DCTN1: variants seen among roughly 807,000 people sequenced by gnomAD.
The protein encoded by DCTN1 is dynactin subunit 1, also known as 150 kDa dynein-associated polypeptide.
In DCTN1, 61 loss-of-function variants were observed where a neutral mutation model predicts 161.2. The ratio of observed to expected loss-of-function variants is 0.38; its 90% CI spans 0.31 to 0.47. The LOEUF (loss-of-function observed/expected upper bound fraction) is 0.47, where lower values mean the gene tolerates loss of function less well. Among genes scored for constraint, DCTN1 ranks in the 20% least tolerant of loss-of-function variants. DCTN1 has a pLI of 0.99. For missense variants in DCTN1, 1,404 were observed against 1,623.7 expected (o/e 0.86, Z 2.33); for synonymous variants, 653 against 632.4 (o/e 1.03, Z -0.49).
At chr2:74,381,687 C>A (rs1267616170), upstream of DCTN1, among the ~76,000 whole-genome samples, 1 of 152,184 alleles carries the variant, frequency 6.6e-6, no homozygotes, top group East Asian at 1.9e-4. Context: ...ACTCAGGCTA[C>A]TTTCCTGGCT....
chr2:74,361,589 G>C lies in DCTN1; in HGVS notation c.3747C>G (p.Thr1249=), dbSNP rs759710617. The part of the protein sequence containing the change: ...QDDTVYMGKV[T]FSCAAGFGQR... ...GTCCAAAACCAGCCGCACATGAGAA[G>C]GTCACTTTGCCCATGTAGACTGTGT... The change falls in exon 32 of 32, where the codon ACC becomes ACG. Residue 1249 remains threonine (T), a synonymous_variant. Transcript: ENST00000628224. 5.9e-5 allele frequency: 96 copies of C among 1,613,978 alleles called. No individual in the cohort carries two copies. The highest frequency in any genetic ancestry group is 8.0e-5 in the Non-Finnish European group (94 of 1,180,012).
rs375157202 is a variant in DCTN1, at chr2:74,365,139, C to T, written c.3132G>A (p.Thr1044=). The stretch of plus-strand genomic sequence containing the variant: ...GAGGAGGGCCCCGGAGTCCCTCAAT[C>T]GTGCGTTTGGACTGGCTGTTCAGAC... ...KQRLNSQSKR[T]IEGLRGPPPS... Residue 1044 remains threonine, a synonymous_variant, in exon 26 of 32, where the codon ACG becomes ACA. Coordinates refer to ENST00000628224, the MANE Select transcript of DCTN1 (RefSeq NM_004082.5). The T allele has an allele frequency of 2.5e-6, 4 of 1,614,190 alleles. No homozygotes were observed. Among genetic ancestry groups the T allele is most frequent in the East Asian group, 2.2e-5 (1 of 44,890 alleles).
chr2:74,391,858 G>GGGGCC (rs1467852843), exon 1 of DCTN1: 2 of 453,256 alleles, frequency 4.4e-6, no homozygotes, highest in South Asian at 3.1e-5. Context: ...AAGACCCTGC[G>GGGGCC]GGGCCGGCCC....
In DCTN1 at chr2:74,370,871, C is replaced by T. The variant is rs1176970852; in HGVS notation, c.844-46G>A. On this transcript the variant is annotated intron_variant, in intron 9 of 31. Coordinates refer to ENST00000628224, the MANE Select transcript of DCTN1 (RefSeq NM_004082.5). This position sits in a 1 kb window ranked among gnomAD's most constrained non-coding sequence, Gnocchi z 4.4. ...GGAGGGGGTACCAGCACAGAGATGC[C>T]CCAGGCCTTTCTCACAGTATGTTCC... is the stretch of plus-strand genomic sequence containing the variant. The T allele has an allele frequency of 3.1e-6, 5 of 1,613,704 alleles. No individual in the cohort carries two copies. The highest frequency in any genetic ancestry group is 4.2e-6 in the Non-Finnish European group (5 of 1,179,786).
Position 74,370,139 on chromosome 2 carries a change from G to A in DCTN1, c.1287+47C>T, listed in dbSNP as rs750518578. 1 of 1,613,922 alleles carries A rather than the reference G, an allele frequency of 6.2e-7. No individual in the cohort carries two copies. Among genetic ancestry groups the A allele is most frequent in the Non-Finnish European group, 8.5e-7 (1 of 1,180,024 alleles). On this transcript the variant is annotated intron_variant, in intron 12 of 31. Transcript: ENST00000628224. This position sits in a 1 kb window ranked among gnomAD's most constrained non-coding sequence, Gnocchi z 4.4. ...TAGAAAGAGGAGGCATCAACTGATA[G>A]GAGAGTCAGGTGGGGGATTCTGGGT... is the stretch of plus-strand genomic sequence containing the variant.
Position 74,370,424 on chromosome 2 carries a change from G to A in DCTN1, c.1127+42C>T. ...CGATGGGTGCTCTAACACATTTGGAGACACAAGAGTAAGCATCAGAGGCAA... is the reference window on the plus strand; with the variant it reads ...CGATGGGTGCTCTAACACATTTGGAAACACAAGAGTAAGCATCAGAGGCAA... On this transcript the variant is annotated intron_variant, in intron 11 of 31. Coordinates refer to ENST00000628224, the MANE Select transcript of DCTN1 (RefSeq NM_004082.5). This position sits in a 1 kb window ranked among gnomAD's most constrained non-coding sequence, Gnocchi z 4.4. 1 of 1,614,094 alleles carries A rather than the reference G, an allele frequency of 6.2e-7. No individual in the cohort carries two copies. Among genetic ancestry groups the A allele is most frequent in the South Asian group, 1.1e-5 (1 of 91,044 alleles).
chr2:74,391,844 G>C, exon 1 of DCTN1: 1 of 453,776 alleles, frequency 2.2e-6, no homozygotes, highest in Non-Finnish European at 4.4e-6. Context: ...GACGACCGAC[G>C]CCCAAGACCC....
intron 15 of DCTN1, 99 bp from the exon 16 acceptor site, chr2:74,368,979 C>T (rs748082443): frequency 6.3e-7 from 1 of 1,576,328 alleles, no homozygotes; most frequent in Non-Finnish European, 8.7e-7. Flanking sequence ...TAGGGCAAGC[C>T]CAGGCCAGAG....
chr2:74,362,029 C>T (rs1176476939), intron 31 of DCTN1, 23 bp downstream of exon 31: 11 of 1,611,438 alleles, frequency 6.8e-6, no homozygotes, highest in Non-Finnish European at 9.3e-6. Flanking sequence ...CTGTCCCATC[C>T]TCCACCCCAT....
At chr2:74,388,711 G>A (rs1675854877) in intron 1 of DCTN1, among the ~76,000 whole-genome samples, 1 of 152,208 alleles carries the variant, frequency 6.6e-6, no homozygotes, top group African/African-American at 2.4e-5. Context: ...CTCCAGGACA[G>A]AGGATTGTAT....
intron 1 of DCTN1, among the ~76,000 whole-genome samples, chr2:74,379,689 C>T (rs890363951): frequency 1.8e-4 from 28 of 152,292 alleles, no homozygotes; most frequent in African/African-American, 6.5e-4. Flanking sequence ...AAAGGCTTCA[C>T]TGTAAGACCT....
In DCTN1 at chr2:74,368,587, T is replaced by C. The variant is rs981500240; in HGVS notation, c.1854+141A>G. On this transcript the variant is annotated intron_variant, in intron 16 of 31. Transcript: ENST00000628224. ...ACACACCATTTGTAATATATATTAA[T>C]CGGTGACTTTGCTGTGTTCCTCCAC... The C allele has an allele frequency of 4.7e-6, 5 of 1,059,490 alleles. No homozygotes were observed. In the Admixed American group the frequency reaches 1.0e-4, roughly 21 times the overall value. 65.6% of individuals were successfully genotyped at this position (1,059,490 alleles called of 1,614,324 possible). A position where few individuals can be genotyped will look rare whatever the true frequency, so the allele number is the denominator to read the frequency against.
intron 8 of DCTN1, 111 bp downstream of exon 8, chr2:74,371,426 T>C: frequency 7.7e-7 from 1 of 1,305,798 alleles, no homozygotes; most frequent in Non-Finnish European, 1.1e-6. Context: ...CCTCACCCTT[T>C]CTGATCCAAG....
chr2:74,390,238 G>A (rs972829447), intron 1 of DCTN1, among the ~76,000 whole-genome samples: 11 of 152,142 alleles, frequency 7.2e-5, no homozygotes, highest in Admixed American at 6.5e-4. Context: ...ATCATAGTAG[G>A]CACAGCTGTC....
intron 5 of DCTN1, among the ~76,000 whole-genome samples, 165 bp downstream of exon 5, chr2:74,376,577 C>G (rs1298274743): frequency 1.3e-5 from 2 of 152,184 alleles, no homozygotes; most frequent in Non-Finnish European, 2.9e-5. Context: ...GCCTGATGTT[C>G]TTGCACCCTT....
At chr2:74,367,001 C>T in intron 20 of DCTN1, 44 bp downstream of exon 20, 4 of 1,614,148 alleles carry the variant, frequency 2.5e-6, no homozygotes, top group Non-Finnish European at 2.5e-6. Flanking sequence ...GAAGTGAGGA[C>T]TAAGAAAGAA....
In DCTN1 at chr2:74,367,342, G is replaced by A; in HGVS notation, c.2253+10C>T. 1 of 1,614,118 alleles carries A rather than the reference G, an allele frequency of 6.2e-7. No individual in the cohort carries two copies. The highest frequency in any genetic ancestry group is 8.5e-7 in the Non-Finnish European group (1 of 1,180,006). On this transcript the variant is annotated intron_variant, in intron 19 of 31. Coordinates refer to ENST00000628224, the MANE Select transcript of DCTN1 (RefSeq NM_004082.5). ...CCACGGGGGCTCAATCACTGGCCCA[G>A]ATACTTCACCTTAATGTGGTCAGCC...
At chr2:74,374,507 A>T (rs1432441815) in intron 5 of DCTN1, 167 bp from the exon 6 acceptor site, 5 of 1,452,786 alleles carry the variant, frequency 3.4e-6, no homozygotes, top group Non-Finnish European at 3.7e-6. Context: ...AATCCCAACA[A>T]TGCAGTCTCA....
At chr2:74,374,470 C>T (rs1018467397) in intron 5 of DCTN1, 130 bp from the exon 6 acceptor site, 5 of 1,542,762 alleles carry the variant, frequency 3.2e-6, no homozygotes, top group East Asian at 2.4e-5. Context: ...GAGGGAAAGG[C>T]GGCGGAGACA....
Sources: allele counts gnomAD v4.1 joint callset (sites outside exome capture counted in the v4.1 genomes callset), GRCh38; gene constraint gnomAD v4.1.1; non-coding constraint Gnocchi (gnomAD v3.1); transcripts MANE v1.5; gene names NCBI Gene and HGNC (gene_info 2026-07-23, HGNC 2026-07-21).